Variants in ERI1 observed in about 807,000 individuals in gnomAD.
ERI1 encodes the protein 3'-5' exoribonuclease 1.
ERI1 carries 39 observed loss-of-function variants against 39.7 expected under a neutral mutation model. That is an observed-to-expected ratio of 0.98 (90% confidence interval 0.76 to 1.28). The LOEUF (loss-of-function observed/expected upper bound fraction) is 1.28. ERI1 is among the 50% of genes most tolerant of loss of function. ERI1 has a pLI of 0.00. For synonymous variants in ERI1, 204 were observed against 149.6 expected (o/e 1.36, Z -2.65); for missense variants, 581 against 416.9 (o/e 1.39, Z -3.43).
intron 1 of ERI1, chr8:9,004,201 T>C (rs1360674028): frequency 7.8e-7 from 1 of 1,284,600 alleles, no homozygotes; most frequent in African/African-American, 1.5e-5. Context: ...CTAAGGTTGT[T>C]ATTTCAAAGA....
At chr8:9,048,607 G>A (rs1399751788) in intron 3 of ERI1, 2 of 152,852 alleles carry the variant, frequency 1.3e-5, no homozygotes, top group African/African-American at 4.8e-5. Context: ...GGAAGGACAT[G>A]GGGAAAAGGT....
downstream of ERI1, among the ~76,000 whole-genome samples, chr8:9,036,792 A>G (rs956003128): frequency 6.6e-6 from 1 of 152,076 alleles, no homozygotes; most frequent in Non-Finnish European, 1.5e-5. Context: ...TGGCAGATTG[A>G]TGGAGGGCAG....
chr8:9,029,420 C>G (rs1797426436), intron 6 of ERI1, among the ~76,000 whole-genome samples: 1 of 152,090 alleles, frequency 6.6e-6, no homozygotes, highest in African/African-American at 2.4e-5. Flanking sequence ...CCTCCACCTC[C>G]CAGGTTCAGG....
chr8:9,086,096 G>C (rs1204836329), intron 3 of ERI1, among the ~76,000 whole-genome samples: 1 of 152,150 alleles, frequency 6.6e-6, no homozygotes, highest in Non-Finnish European at 1.5e-5. Flanking sequence ...CTAGACTGCG[G>C]CATTTACCAT....
intron 3 of ERI1, among the ~76,000 whole-genome samples, chr8:9,090,380 T>C (rs11774329): frequency 0.15 from 23,065 of 152,198 alleles, 1,943 homozygotes; most frequent in Middle Eastern, 0.22. Context: ...GACCCAATCA[T>C]TCTAGTTCTA....
intron 3 of ERI1, among the ~76,000 whole-genome samples, chr8:9,085,180 T>C (rs892013281): frequency 1.1e-4 from 16 of 152,308 alleles, no homozygotes; most frequent in Middle Eastern, 6.8e-3. Flanking sequence ...CCGCTTTTTT[T>C]GTTTTTCTTT....
chr8:9,007,847 C>T (rs1260492551), intron 1 of ERI1, 123 bp from the exon 2 acceptor site: 19 of 1,392,228 alleles, frequency 1.4e-5, no homozygotes, highest in Non-Finnish European at 1.4e-5. Context: ...GAACACTTTT[C>T]ATTGAACATG....
intron 3 of ERI1, among the ~76,000 whole-genome samples, chr8:9,064,878 G>A (rs1290934325): frequency 6.6e-6 from 1 of 152,206 alleles, no homozygotes; most frequent in East Asian, 1.9e-4. Context: ...CAAGCGGGCT[G>A]AGTCCGAGAA....
intron 6 of ERI1, among the ~76,000 whole-genome samples, chr8:9,026,305 G>A (rs1418847937): frequency 3.3e-5 from 5 of 152,164 alleles, no homozygotes; most frequent in Non-Finnish European, 7.4e-5. Context: ...GTGGCATTAA[G>A]TACATTCACA....
intron 3 of ERI1, among the ~76,000 whole-genome samples, chr8:9,095,593 C>A (rs2117490221): frequency 6.6e-6 from 1 of 152,228 alleles, no homozygotes; most frequent in South Asian, 2.1e-4. Context: ...GCAGCCTCAA[C>A]TTCCTGGGCT....
intron 3 of ERI1, among the ~76,000 whole-genome samples, chr8:9,079,335 G>A (rs1438223018): frequency 1.3e-5 from 2 of 152,052 alleles, no homozygotes; most frequent in Non-Finnish European, 2.9e-5. Context: ...ATTTGATTCC[G>A]GAAAACACTA....
At chr8:9,046,001 TAC>T (rs1284086071) in intron 3 of ERI1, among the ~76,000 whole-genome samples, 2 of 152,136 alleles carry the variant, frequency 1.3e-5, no homozygotes, top group Non-Finnish European at 2.9e-5. Context: ...GAATTTTTAA[TAC>T]AGAGTCCCAG....
chr8:9,004,041 C>T (rs1815679973), intron 1 of ERI1: 1 of 1,277,776 alleles, frequency 7.8e-7, no homozygotes, highest in Non-Finnish European at 1.0e-6. Context: ...TTGGTAATTG[C>T]ATCTCACACA....
chr8:9,089,934 C>G (rs954153633), intron 3 of ERI1, among the ~76,000 whole-genome samples: 1 of 151,918 alleles, frequency 6.6e-6, no homozygotes. Flanking sequence ...CTGAAATTAT[C>G]CAAGAGAACG....
intron 3 of ERI1, among the ~76,000 whole-genome samples, chr8:9,085,642 G>T (rs1380464049): frequency 2.0e-5 from 3 of 151,772 alleles, no homozygotes; most frequent in African/African-American, 7.3e-5. Context: ...GGCCCACAAA[G>T]CCTACAGTAT....
intron 3 of ERI1, among the ~76,000 whole-genome samples, chr8:9,046,533 A>G (rs1798180003): frequency 1.3e-5 from 2 of 152,200 alleles, no homozygotes; most frequent in African/African-American, 4.8e-5. Flanking sequence ...GTTACTTGCA[A>G]TTAAAGAGCC....
chr8:9,013,492 T>G (rs1816895350), intron 3 of ERI1, among the ~76,000 whole-genome samples: 1 of 152,026 alleles, frequency 6.6e-6, no homozygotes, highest in African/African-American at 2.4e-5. Flanking sequence ...AGCTTCCCCG[T>G]ATCAGATGAC....
intron 3 of ERI1, among the ~76,000 whole-genome samples, chr8:9,095,656 G>C (rs959228623): frequency 3.9e-5 from 6 of 152,056 alleles, no homozygotes; most frequent in Non-Finnish European, 2.9e-5. Flanking sequence ...GAGTAGCTGG[G>C]ACTACAGGCA....
chr8:9,077,265 G>A (rs973655271), intron 3 of ERI1, among the ~76,000 whole-genome samples: 2 of 152,068 alleles, frequency 1.3e-5, no homozygotes, highest in African/African-American at 4.8e-5. Context: ...TTAATTCCCT[G>A]CCTGTTGAAA....
Sources: gnomAD v4.1 joint callset for allele counts (sites outside exome capture counted in the v4.1 genomes callset) on GRCh38, gnomAD v4.1.1 for gene constraint, MANE v1.5 for transcripts, NCBI Gene and HGNC (gene_info 2026-07-23, HGNC 2026-07-21) for gene names.